MAP2K1: variants seen among roughly 807,000 people sequenced by gnomAD.
MAP2K1 encodes mitogen-activated protein kinase kinase 1.
MAP2K1 carries 16 observed loss-of-function variants against 46.3 expected under a neutral mutation model. The ratio of observed to expected loss-of-function variants is 0.35; its 90% confidence interval spans 0.23 to 0.52. The LOEUF is 0.52. Among genes scored for constraint, MAP2K1 ranks in the 20% least tolerant of loss-of-function variants. The pLI, the probability that MAP2K1 is intolerant of heterozygous loss-of-function variation, is 0.94. For synonymous variants in MAP2K1, 183 were observed against 185.6 expected, an observed-to-expected ratio of 0.99 and a Z score of 0.11; for missense variants, 263 against 497.1, an observed-to-expected ratio of 0.53 and a Z score of 4.48.
intron 1 of MAP2K1, among the ~76,000 whole-genome samples, chr15:66,420,721 A>ATATATATATATATATT: frequency 3.4e-5 from 1 of 29,682 alleles, no homozygotes; most frequent in South Asian, 1.3e-3. Context: ...ATATATATAT[A>ATATATATATATATATT]TGTGTGTGTG....
Position 66,490,822 on chromosome 15 carries a change from T to C in MAP2K1, c.*207T>C, listed in dbSNP as rs1311700917. ...TACTATTATTGTTCCCCTAAGTGGA[T>C]TGGCTTTGTGCTTGGGGCTATTTGT... is the stretch of plus-strand genomic sequence containing the variant. On this transcript the variant is annotated 3_prime_UTR_variant, in exon 11 of 11. Coordinates refer to ENST00000307102, the MANE Select transcript of MAP2K1 (RefSeq NM_002755.4). 3.6e-5 allele frequency: 23 copies of C among 646,574 alleles called. 1 individual carries two copies. The highest frequency in any genetic ancestry group is 1.5e-4 in the South Asian group (9 of 62,064). The allele number at this position is 646,574 out of a possible 1,614,324, so 40.1% of individuals were successfully genotyped here.
At chr15:66,440,153 G>A (rs142036856) in intron 3 of MAP2K1, among the ~76,000 whole-genome samples, 2,400 of 151,978 alleles carry the variant, frequency 0.016, 68 homozygotes, top group African/African-American at 0.056. Context: ...GTACAGTGGT[G>A]CAATCTCAGC....
chr15:66,468,281 C>T (rs115688193), intron 5 of MAP2K1, among the ~76,000 whole-genome samples: 1 of 151,530 alleles, frequency 6.6e-6, no homozygotes, highest in Non-Finnish European at 1.5e-5. Flanking sequence ...TTTTTTTTCC[C>T]CCCTTCTGTC....
At chr15:66,421,097 C>T (rs2093441907) in intron 1 of MAP2K1, among the ~76,000 whole-genome samples, 2 of 62,254 alleles carry the variant, frequency 3.2e-5, no homozygotes, top group Admixed American at 1.4e-4. Context: ...CACACATACA[C>T]ACACACACAC....
At chr15:66,390,160 C>T (rs1375267226) in intron 1 of MAP2K1, among the ~76,000 whole-genome samples, 6 of 152,156 alleles carry the variant, frequency 3.9e-5, no homozygotes, top group Admixed American at 3.9e-4. Context: ...CTGCATCTAC[C>T]TCTATGACTC....
At chr15:66,437,137 CCT>C (rs1196880559) in intron 3 of MAP2K1, among the ~76,000 whole-genome samples, 3 of 152,138 alleles carry the variant, frequency 2.0e-5, no homozygotes, top group Non-Finnish European at 2.9e-5. Flanking sequence ...ACCTAGAGCA[CCT>C]CTCATAGTTT....
chr15:66,391,148 T>G (rs1205878467), intron 1 of MAP2K1, among the ~76,000 whole-genome samples: 1 of 150,934 alleles, frequency 6.6e-6, no homozygotes, highest in African/African-American at 2.4e-5. Context: ...CACCTCAGCC[T>G]CTTGAGTAGC....
Position 66,485,035 on chromosome 15 carries a change from T to G in MAP2K1, c.739T>G (p.Trp247Gly). The G allele has an allele frequency of 6.2e-7, 1 of 1,613,818 alleles. No individual in the cohort carries two copies. Among genetic ancestry groups the G allele is most frequent in the Non-Finnish European group, 8.5e-7 (1 of 1,180,038 alleles). Residue 247 changes from tryptophan to glycine, a missense_variant, in exon 7 of 11, where the codon TGG becomes GGG. Coordinates refer to ENST00000307102, the MANE Select transcript of MAP2K1 (RefSeq NM_002755.4). ...GTHYSVQSDI[W>G]SMGLSLVEMA... ...TCATTACTCTGTGCAGTCAGACATCTGGAGCATGGGACTGTCTCTGGTAGA... is the reference window on the plus strand; with the variant it reads ...TCATTACTCTGTGCAGTCAGACATCGGGAGCATGGGACTGTCTCTGGTAGA...
intron 3 of MAP2K1, among the ~76,000 whole-genome samples, chr15:66,441,865 T>TC (rs553812381): frequency 2.4e-4 from 36 of 152,298 alleles, no homozygotes; most frequent in Admixed American, 3.9e-4. Context: ...TTTTGAGTTT[T>TC]CAGGAATTAG....
intron 7 of MAP2K1, among the ~76,000 whole-genome samples, chr15:66,485,440 AC>A (rs1446804391): frequency 4.6e-5 from 7 of 152,020 alleles, no homozygotes; most frequent in Admixed American, 2.6e-4. Context: ...ACATTATCTA[AC>A]CTTTTGTATT....
At chr15:66,490,203 C>G (rs1392503449) in intron 10 of MAP2K1, 5 of 550,628 alleles carry the variant, frequency 9.1e-6, no homozygotes, top group Non-Finnish European at 1.6e-5. Context: ...TGCACTAAGT[C>G]CATCATTTTC....
chr15:66,485,271 TC>T, intron 7 of MAP2K1, 80 bp downstream of exon 7: 2 of 1,306,188 alleles, frequency 1.5e-6, no homozygotes, highest in Non-Finnish European at 2.1e-6. Context: ...GAGGGCTGAT[TC>T]TCTGTACATT....
intron 7 of MAP2K1, among the ~76,000 whole-genome samples, chr15:66,486,210 A>G (rs977644428): frequency 6.6e-6 from 1 of 152,196 alleles, no homozygotes; most frequent in African/African-American, 2.4e-5. Context: ...TTTTTTAATC[A>G]TGACTTTTGG....
intron 1 of MAP2K1, among the ~76,000 whole-genome samples, chr15:66,396,559 C>T (rs981280356): frequency 1.3e-5 from 2 of 152,018 alleles, no homozygotes; most frequent in Non-Finnish European, 2.9e-5. Flanking sequence ...CGTGAGACAC[C>T]GTATCTGCCC....
At chr15:66,462,570 T>C (rs948504553) in intron 5 of MAP2K1, among the ~76,000 whole-genome samples, 7 of 150,594 alleles carry the variant, frequency 4.6e-5, no homozygotes, top group African/African-American at 1.7e-4. Flanking sequence ...ACATGGTTAC[T>C]GTCTCTACTT....
At chr15:66,405,527 A>T (rs1479034398) in intron 1 of MAP2K1, among the ~76,000 whole-genome samples, 1 of 152,152 alleles carries the variant, frequency 6.6e-6, no homozygotes, top group Non-Finnish European at 1.5e-5. Flanking sequence ...CACAAAGGAG[A>T]AAATGAGGGA....
At chr15:66,393,106 CAG>C (rs1251628020) in intron 1 of MAP2K1, among the ~76,000 whole-genome samples, 1 of 152,038 alleles carries the variant, frequency 6.6e-6, no homozygotes, top group Non-Finnish European at 1.5e-5. Context: ...GGAATGTACT[CAG>C]AAGTGGAATT....
chr15:66,455,136 C>T (rs1321767051), intron 5 of MAP2K1, among the ~76,000 whole-genome samples: 1 of 152,122 alleles, frequency 6.6e-6, no homozygotes, highest in Non-Finnish European at 1.5e-5. Flanking sequence ...GAGTCAGTGC[C>T]TCTGAAGAAT....
chr15:66,413,407 C>A (rs1595846839), intron 1 of MAP2K1, among the ~76,000 whole-genome samples: 1 of 152,174 alleles, frequency 6.6e-6, no homozygotes, highest in African/African-American at 2.4e-5. Context: ...AGACTTAGGG[C>A]AACTAACCTG....
Sources: gnomAD v4.1 joint callset for allele counts (sites outside exome capture counted in the v4.1 genomes callset) on GRCh38, gnomAD v4.1.1 for gene constraint, MANE v1.5 for transcripts, NCBI Gene and HGNC (gene_info 2026-07-23, HGNC 2026-07-21) for gene names.